NUBPL: variants seen among roughly 807,000 people sequenced by gnomAD.
The protein encoded by NUBPL is iron-sulfur cluster transfer protein NUBPL.
A neutral mutation model predicts 45.7 loss-of-function variants in NUBPL; 31 were observed. That is an observed-to-expected ratio of 0.68 (90% confidence interval 0.51 to 0.92). The LOEUF is 0.92. Ranked by LOEUF, NUBPL falls within the 40% of genes least tolerant of loss-of-function variation. The probability of loss-of-function intolerance (pLI) is 0.00; values close to 1 mark genes in which losing one functional copy is unlikely to be tolerated. For missense variants in NUBPL, 401 were observed against 398.7 expected, an observed-to-expected ratio of 1.01 and a Z score of -0.05; for synonymous variants, 144 against 140.9, an observed-to-expected ratio of 1.02 and a Z score of -0.15.
rs139645114 is a variant in NUBPL, at chr14:31,747,473, A to T, written c.514-40307A>T. ...TTTCTTTGATGCGAGACTTTTTATT[A>T]TTGATCCCATCTTATTACTCATTAT... is the stretch of plus-strand genomic sequence containing the variant. On this transcript the variant is annotated intron_variant, in intron 6 of 10. Coordinates refer to ENST00000281081, the MANE Select transcript of NUBPL (RefSeq NM_025152.3). Among the ~76,000 whole-genome samples the T allele has an allele frequency of 6.5e-3, 989 of 152,138 alleles. 11 individuals carry two copies. Among genetic ancestry groups the T allele is most frequent in the African/African-American group, 0.022 (926 of 41,484 alleles).
At chr14:31,582,861 G>A (rs1018742432) in intron 3 of NUBPL, among the ~76,000 whole-genome samples, 20 of 152,070 alleles carry the variant, frequency 1.3e-4, no homozygotes, top group African/African-American at 3.9e-4. Flanking sequence ...TTAATCAAAA[G>A]AAAAAGGAAA....
chr14:31,771,582 A>G (rs1024230304), intron 6 of NUBPL, among the ~76,000 whole-genome samples: 7 of 152,212 alleles, frequency 4.6e-5, no homozygotes, highest in Non-Finnish European at 8.8e-5. Flanking sequence ...CACACAGACC[A>G]GGATCTAAAT....
At chr14:31,641,811 T>C (rs780032683) in intron 4 of NUBPL, among the ~76,000 whole-genome samples, 38 of 152,094 alleles carry the variant, frequency 2.5e-4, no homozygotes, top group Non-Finnish European at 3.4e-4. Context: ...TGTAGGAGGG[T>C]TTCCCTTTAT....
At chr14:31,841,954 G>A (rs1456268929) in intron 8 of NUBPL, among the ~76,000 whole-genome samples, 5 of 38,442 alleles carry the variant, frequency 1.3e-4, no homozygotes, top group Non-Finnish European at 2.0e-4. Flanking sequence ...TTTTTGAGAC[G>A]GGGTCTTCCT....
chr14:31,708,075 T>C (rs766060297), intron 6 of NUBPL, among the ~76,000 whole-genome samples: 16 of 152,206 alleles, frequency 1.1e-4, no homozygotes, highest in Non-Finnish European at 2.1e-4. Context: ...CTCTGGTATT[T>C]GAGAGAGCAG....
chr14:31,682,155 C>A (rs914782221), intron 6 of NUBPL, among the ~76,000 whole-genome samples: 6 of 151,746 alleles, frequency 4.0e-5, no homozygotes, highest in Non-Finnish European at 7.4e-5. Context: ...GTATATTTGC[C>A]CATTTCTCTC....
rs149513241 is a variant in NUBPL, at chr14:31,695,579, A to G, written c.513+22005A>G. ...GAGTCCTCATGAATGAATTAATGTT[A>G]TCATGGGAATGGGTTAGTTATTACA... On this transcript the variant is annotated intron_variant, in intron 6 of 10. Transcript: ENST00000281081. Among the ~76,000 whole-genome samples, 604 of 152,046 alleles carry G rather than the reference A, an allele frequency of 4.0e-3. 1 individual carries two copies. The highest frequency in any genetic ancestry group is 6.8e-3 in the Middle Eastern group (2 of 294).
intron 7 of NUBPL, among the ~76,000 whole-genome samples, chr14:31,802,964 A>G (rs562963872): frequency 2.4e-4 from 36 of 152,348 alleles, no homozygotes; most frequent in Non-Finnish European, 8.8e-5. Context: ...TGTCACAGTG[A>G]CTAAACTTCC....
chr14:31,813,877 A>G (rs1342071193), intron 7 of NUBPL, among the ~76,000 whole-genome samples: 1 of 152,144 alleles, frequency 6.6e-6, no homozygotes, highest in Non-Finnish European at 1.5e-5. Flanking sequence ...ATCCTTTTTT[A>G]TGGCTGCATA....
chr14:31,635,088 G>C (rs1374943799), intron 4 of NUBPL, among the ~76,000 whole-genome samples: 5 of 147,622 alleles, frequency 3.4e-5, no homozygotes, highest in East Asian at 3.9e-4. Context: ...AAGCTCTTTA[G>C]TTTAATTAGA....
At chr14:31,731,042 A>C (rs1202282410) in intron 6 of NUBPL, among the ~76,000 whole-genome samples, 1 of 152,252 alleles carries the variant, frequency 6.6e-6, no homozygotes, top group Non-Finnish European at 1.5e-5. Context: ...TAAAGCAACT[A>C]AATTTGCTAT....
intron 6 of NUBPL, among the ~76,000 whole-genome samples, chr14:31,762,138 T>G (rs1224297557): frequency 6.6e-6 from 1 of 152,224 alleles, no homozygotes; most frequent in Non-Finnish European, 1.5e-5. Context: ...GAGCTTTGGT[T>G]TTTAAAATAT....
At chr14:31,858,697 AACTGTAGCAT>A (rs1448892895) in intron 10 of NUBPL, among the ~76,000 whole-genome samples, 3 of 152,154 alleles carry the variant, frequency 2.0e-5, no homozygotes, top group Non-Finnish European at 4.4e-5. Context: ...TCCTAAGATA[AACTGTAGCAT>A]GGTAATAAAT....
At chr14:31,826,127 A>T (rs2040099395) in intron 7 of NUBPL, among the ~76,000 whole-genome samples, 2 of 151,724 alleles carry the variant, frequency 1.3e-5, no homozygotes, top group Admixed American at 1.3e-4. Flanking sequence ...ATTTTATTTT[A>T]TTTTTTGTTT....
In NUBPL at chr14:31,859,468, A is replaced by G. The variant is rs2040678131; in HGVS notation, c.*288A>G. On this transcript the variant is annotated 3_prime_UTR_variant, in exon 11 of 11. Transcript: ENST00000281081. ...TTAGAAATCACGAGTTTATGATGTT[A>G]CAAGTCCATTTTGGGAGAGAACTGT... 2 of 420,312 alleles carry G rather than the reference A, an allele frequency of 4.8e-6. No homozygotes were observed. The highest frequency in any genetic ancestry group is 4.4e-6 in the Non-Finnish European group (1 of 225,070). The allele number at this position is 420,312 out of a possible 1,614,324, so 26.0% of individuals were successfully genotyped here.
In NUBPL at chr14:31,852,996, A is replaced by G. The variant is rs575385377; in HGVS notation, c.897+2795A>G. Among the ~76,000 whole-genome samples the G allele has an allele frequency of 7.2e-5, 11 of 152,348 alleles. No homozygotes were observed. The South Asian group carries it at 2.3e-3, about 32-fold the overall frequency. On this transcript the variant is annotated intron_variant, in intron 10 of 10. Coordinates refer to ENST00000281081, the MANE Select transcript of NUBPL (RefSeq NM_025152.3). ...GAAGTGTTTATTTGCCAACATGATA[A>G]AACTTCTGCAGAAGTTAATGGGGCA...
intron 6 of NUBPL, among the ~76,000 whole-genome samples, chr14:31,751,732 A>T (rs1430002765): frequency 6.6e-6 from 1 of 152,212 alleles, no homozygotes; most frequent in Non-Finnish European, 1.5e-5. Flanking sequence ...CAGCTCCACT[A>T]GGCAGTGTCC....
At position 31,645,153 on chromosome 14, in the gene NUBPL, C is replaced by T. The variant is rs548673201; in HGVS notation, c.383-28202C>T. On this transcript the variant is annotated intron_variant, in intron 4 of 10. Transcript: ENST00000281081. ...CAATCTTGGCTCACTGCAAGCTCCG[C>T]CTCCCGGGTTCACGCCATTCTCCTG... is the stretch of plus-strand genomic sequence containing the variant. 7.6e-4 allele frequency among the ~76,000 whole-genome samples: 116 copies of T among 151,772 alleles called. 2 individuals are homozygous for T. The East Asian group carries it at 0.02, about 27-fold the overall frequency.
chr14:31,655,573 C>T (rs1460730977), intron 4 of NUBPL, among the ~76,000 whole-genome samples: 1 of 152,104 alleles, frequency 6.6e-6, no homozygotes, highest in East Asian at 1.9e-4. Flanking sequence ...ATTAGCAAGG[C>T]ATGGCAGAGA....
Sources: gnomAD v4.1 joint callset for allele counts (sites outside exome capture counted in the v4.1 genomes callset) on GRCh38, gnomAD v4.1.1 for gene constraint, MANE v1.5 for transcripts, NCBI Gene and HGNC (gene_info 2026-07-23, HGNC 2026-07-21) for gene names.